Variants in RAP1GAP2 observed in about 807,000 individuals in gnomAD.
The protein encoded by RAP1GAP2 is rap1 GTPase-activating protein 2.
A neutral mutation model predicts 95.0 loss-of-function variants in RAP1GAP2; 27 were observed. The observed-to-expected ratio is 0.28, with a 90% CI of 0.21 to 0.39. The LOEUF is 0.39. Among genes scored for constraint, RAP1GAP2 ranks in the 10% least tolerant of loss-of-function variants. The pLI is 1.00. For missense variants in RAP1GAP2, 771 were observed against 970.0 expected (o/e 0.79, Z 2.72); for synonymous variants, 373 against 380.9 (o/e 0.98, Z 0.24).
Position 2,857,725 on chromosome 17 carries a change from G to T in RAP1GAP2, c.81-47559G>T, listed in dbSNP as rs1010951768. ...CAGAGCCTGCTTCTTATGGATGTGGGTAGTGGGGAGCTTGGCTCCCTGAGG... is the reference window on the plus strand; with the variant it reads ...CAGAGCCTGCTTCTTATGGATGTGGTTAGTGGGGAGCTTGGCTCCCTGAGG... On this transcript the variant is annotated intron_variant, in intron 2 of 24. Transcript: ENST00000254695. This position sits in a 1 kb window ranked among gnomAD's most constrained non-coding sequence, Gnocchi z 4.0. 1.3e-5 allele frequency among the ~76,000 whole-genome samples: 2 copies of T among 152,216 alleles called. No individual in the cohort carries two copies. The highest frequency in any genetic ancestry group is 2.9e-5 in the Non-Finnish European group (2 of 68,038).
chr17:2,981,294 A>G, intron 10 of RAP1GAP2, 46 bp downstream of exon 10: 2 of 1,535,922 alleles, frequency 1.3e-6, no homozygotes, highest in Non-Finnish European at 1.8e-6. Context: ...CAGCTTGGCA[A>G]GGATTTGCAG....
At chr17:2,795,987 A>G (rs532338936), upstream of RAP1GAP2, among the ~76,000 whole-genome samples, 3 of 152,056 alleles carry the variant, frequency 2.0e-5, no homozygotes, top group Non-Finnish European at 4.4e-5. Flanking sequence ...CACGTGTGCT[A>G]GTGGAATGAC....
intron 2 of RAP1GAP2, among the ~76,000 whole-genome samples, chr17:2,802,352 C>T (rs187463968): frequency 2.2e-4 from 33 of 152,268 alleles, no homozygotes; most frequent in Admixed American, 5.9e-4. Flanking sequence ...CTGGGCAGTT[C>T]GCAGGGCCGG....
At chr17:2,817,988 G>A (rs1447123945) in intron 2 of RAP1GAP2, among the ~76,000 whole-genome samples, 2 of 150,592 alleles carry the variant, frequency 1.3e-5, no homozygotes, top group African/African-American at 4.9e-5. Flanking sequence ...AGGTGCCCAC[G>A]ACCACGCCTG....
rs2047422155 is a variant in RAP1GAP2 at position 3,034,633 on chromosome 17, T to A, written c.*1272T>A. On this transcript the variant is annotated 3_prime_UTR_variant, in exon 25 of 25. Coordinates refer to ENST00000254695, the MANE Select transcript of RAP1GAP2 (RefSeq NM_015085.5). This position sits in a 1 kb window ranked among gnomAD's most constrained non-coding sequence, Gnocchi z 5.1. ...TCACATCTGAAGGGTTTCTGCAACC[T>A]GGACCCCATCTGGGTGTGGGTCAGA... 6.5e-6 allele frequency: 1 copy of A among 153,088 alleles called. No homozygotes were observed. Among genetic ancestry groups the A allele is most frequent in the African/African-American group, 2.4e-5 (1 of 41,478 alleles). The allele number at this position is 153,088 out of a possible 1,614,324, so 9.5% of individuals were successfully genotyped here. A position where few individuals can be genotyped will look rare whatever the true frequency, so the allele number is the denominator to read the frequency against.
chr17:2,795,002 A>G (rs178568), upstream of RAP1GAP2, among the ~76,000 whole-genome samples: 143,442 of 150,874 alleles, frequency 0.95, 68,588 homozygotes, highest in Non-Finnish European at 1. Context: ...CTCAGCCTCC[A>G]GAGTAGCTGG....
chr17:2,921,684 G>A (rs1373832979), intron 3 of RAP1GAP2, among the ~76,000 whole-genome samples: 1 of 150,376 alleles, frequency 6.6e-6, no homozygotes, highest in South Asian at 2.1e-4. Flanking sequence ...CAGCAGGGCC[G>A]TTAAGGTGTC....
At chr17:2,911,674 C>T (rs12946222) in intron 3 of RAP1GAP2, among the ~76,000 whole-genome samples, 92,477 of 128,814 alleles carry the variant, frequency 0.72, 33,604 homozygotes, top group Non-Finnish European at 0.84. Context: ...GAGGGGGAAA[C>T]GCTATGTGGG....
chr17:2,905,360 A>G lies in RAP1GAP2; in HGVS notation c.157A>G (p.Thr53Ala). 1.2e-6 allele frequency: 2 copies of G among 1,613,360 alleles called. No homozygotes were observed. Among genetic ancestry groups the G allele is most frequent in the East Asian group, 4.5e-5 (2 of 44,816 alleles). The change falls in exon 3 of 25, where the codon ACC becomes GCC. Residue 53 changes from threonine to alanine, a missense_variant. Coordinates refer to ENST00000254695, the MANE Select transcript of RAP1GAP2 (RefSeq NM_015085.5). ...CTCCCCTCCTCTCACGGCACCTCCC[A>G]CCATGAAGGTAAGAGGCTTCGATTC... ...PLSPPLTAPP[T>A]MKSSEFFEML...
chr17:2,899,363 C>T (rs991113019), intron 2 of RAP1GAP2, among the ~76,000 whole-genome samples: 4 of 151,990 alleles, frequency 2.6e-5, no homozygotes, highest in South Asian at 4.2e-4. Context: ...CTCGCCACCA[C>T]ACCTGGCTAA....
At chr17:2,833,583 G>A (rs2070999567) in intron 2 of RAP1GAP2, among the ~76,000 whole-genome samples, 2 of 151,504 alleles carry the variant, frequency 1.3e-5, no homozygotes, top group African/African-American at 4.8e-5. Flanking sequence ...CCAGCTACTT[G>A]GGAGGCTGAG....
chr17:2,952,547 A>G (rs2043957272), intron 3 of RAP1GAP2, among the ~76,000 whole-genome samples: 1 of 152,196 alleles, frequency 6.6e-6, no homozygotes, highest in African/African-American at 2.4e-5. Context: ...GGAAAGCTGT[A>G]TCAGGTGTGC....
At chr17:2,800,464 A>G in intron 1 of RAP1GAP2, 51 bp from the exon 2 acceptor site, 3 of 1,589,872 alleles carry the variant, frequency 1.9e-6, no homozygotes, top group Non-Finnish European at 2.6e-6. Flanking sequence ...GATGCTATGT[A>G]GGAGTCTTCA....
chr17:3,006,438 C>CT (rs796860030), intron 16 of RAP1GAP2, among the ~76,000 whole-genome samples: 2,683 of 125,402 alleles, frequency 0.021, 73 homozygotes, highest in African/African-American at 0.062. Context: ...CCAATCAGTC[C>CT]TTTTTTTTTT....
rs925015025 is a variant in RAP1GAP2, at chr17:2,855,786, G to T, written c.81-49498G>T. On this transcript the variant is annotated intron_variant, in intron 2 of 24. Transcript: ENST00000254695. This position sits in a 1 kb window ranked among gnomAD's most constrained non-coding sequence, Gnocchi z 4.3. Reference sequence around the variant, plus strand: ...CACCACCACGCCCAGCTAATTTTTTGTATTTTAGTAGAGACGGGGGTTTCA... The same window carrying T: ...CACCACCACGCCCAGCTAATTTTTTTTATTTTAGTAGAGACGGGGGTTTCA... Among the ~76,000 whole-genome samples, 1 of 152,082 alleles carries T rather than the reference G, an allele frequency of 6.6e-6. No homozygotes were observed. The highest frequency in any genetic ancestry group is 1.5e-5 in the Non-Finnish European group (1 of 68,026).
intron 3 of RAP1GAP2, among the ~76,000 whole-genome samples, chr17:2,912,614 T>C (rs573812836): frequency 3.9e-5 from 6 of 152,026 alleles, no homozygotes; most frequent in South Asian, 2.1e-4. Context: ...AGGACAGATA[T>C]ATATTCCCTC....
intron 2 of RAP1GAP2, among the ~76,000 whole-genome samples, chr17:2,885,028 C>CTTTTTTTTTTTTTT (rs891984333): frequency 3.6e-4 from 40 of 112,500 alleles, no homozygotes; most frequent in Non-Finnish European, 3.8e-4. Context: ...TTATTTCTTT[C>CTTTTTTTTTTTTTT]TTTTTTTTTT....
chr17:2,795,716 A>G (rs1054689753), upstream of RAP1GAP2, among the ~76,000 whole-genome samples: 7 of 152,164 alleles, frequency 4.6e-5, no homozygotes, highest in African/African-American at 1.7e-4. Context: ...GTATGCGTTC[A>G]TGTCTGTGCA....
chr17:2,972,598 CAAA>C (rs35539479), intron 8 of RAP1GAP2, among the ~76,000 whole-genome samples: 5 of 85,502 alleles, frequency 5.8e-5, no homozygotes, highest in African/African-American at 2.1e-4. Flanking sequence ...AAGTCCTTCT[CAAA>C]AAAAAAAAAA....
Sources: gnomAD v4.1 joint callset for allele counts (sites outside exome capture counted in the v4.1 genomes callset) on GRCh38, gnomAD v4.1.1 for gene constraint, Gnocchi (gnomAD v3.1) non-coding constraint, MANE v1.5 for transcripts, NCBI Gene and HGNC (gene_info 2026-07-23, HGNC 2026-07-21) for gene names.